Variants in YWHAZ observed in about 807,000 individuals in gnomAD.
YWHAZ encodes tyrosine 3-monooxygenase/tryptophan 5-monooxygenase activation protein zeta, also known as 14-3-3 protein zeta/delta.
For synonymous variants in YWHAZ, 87 were observed against 103.6 expected (o/e 0.84, Z 0.97); for missense variants, 79 against 284.8 (o/e 0.28, Z 5.20).
At chr8:100,951,306 C>A (rs1447769063) in intron 1 of YWHAZ, 2 of 984,516 alleles carry the variant, frequency 2.0e-6, no homozygotes. Flanking sequence ...GCGCTTGGGT[C>A]CCCGAGGCCC....
chr8:100,929,479 C>T (rs1813608437), intron 2 of YWHAZ, among the ~76,000 whole-genome samples: 2 of 152,152 alleles, frequency 1.3e-5, no homozygotes, highest in Non-Finnish European at 1.5e-5. Flanking sequence ...GGAATACAGG[C>T]GTAAAGCCAC....
At position 100,948,151 on chromosome 8, in the gene YWHAZ, T is replaced by A; in HGVS notation, c.294+445A>T. ...TTTCTGCATGGTTGACTCATTACAT[T>A]AACATTATAGCGGCTAATCCTGAGA... On this transcript the variant is annotated intron_variant, in intron 2 of 5. Coordinates refer to ENST00000395958, the MANE Select transcript of YWHAZ (RefSeq NM_145690.3). The surrounding 1 kb of genome is among the most constrained non-coding windows in gnomAD (Gnocchi z 4.2). 1 of 1,533,800 alleles carries A rather than the reference T, an allele frequency of 6.5e-7. No individual in the cohort carries two copies. Among genetic ancestry groups the A allele is most frequent in the Non-Finnish European group, 8.7e-7 (1 of 1,146,266 alleles).
chr8:100,951,344 TC>T, intron 1 of YWHAZ: 1 of 982,958 alleles, frequency 1.0e-6, no homozygotes, highest in Non-Finnish European at 1.2e-6. Flanking sequence ...CGCCACCGCC[TC>T]CCGGGGTGGG....
At chr8:100,933,493 T>C (rs1349354843) in intron 2 of YWHAZ, among the ~76,000 whole-genome samples, 2 of 152,162 alleles carry the variant, frequency 1.3e-5, no homozygotes, top group African/African-American at 2.4e-5. Context: ...ACACCTTAAA[T>C]ATATATTTTT....
intron 2 of YWHAZ, among the ~76,000 whole-genome samples, chr8:100,943,049 T>A (rs886874857): frequency 6.6e-6 from 1 of 152,210 alleles, no homozygotes; most frequent in Admixed American, 6.5e-5. Flanking sequence ...ATGGGAAACA[T>A]CAACAGCTTG....
upstream of YWHAZ, chr8:100,953,263 C>T (rs1810927593): frequency 2.0e-6 from 2 of 985,404 alleles, no homozygotes; most frequent in African/African-American, 3.5e-5. Context: ...ACATGACGAT[C>T]ATTACCTTTT....
intron 1 of YWHAZ, chr8:100,950,497 C>A (rs940038379): frequency 1.0e-5 from 10 of 985,610 alleles, no homozygotes; most frequent in Non-Finnish European, 1.2e-5. Flanking sequence ...CAACCACCCC[C>A]CTCCAGGCTC....
At chr8:100,938,585 G>A (rs183444699) in intron 2 of YWHAZ, among the ~76,000 whole-genome samples, 1 of 152,202 alleles carries the variant, frequency 6.6e-6, no homozygotes, top group Admixed American at 6.5e-5. Context: ...TCAAATTTCT[G>A]GTCTTGTACA....
chr8:100,951,359 G>A (rs1810758067), intron 1 of YWHAZ: 11 of 984,688 alleles, frequency 1.1e-5, no homozygotes, highest in South Asian at 9.4e-5. Flanking sequence ...GGGTGGGGGA[G>A]GGCCGGGTCC....
At position 100,924,419 on chromosome 8, in the gene YWHAZ, G is replaced by C; in HGVS notation, c.419-121C>G. On this transcript the variant is annotated intron_variant, in intron 3 of 5. Coordinates refer to ENST00000395958, the MANE Select transcript of YWHAZ (RefSeq NM_145690.3). The surrounding 1 kb of genome is among the most constrained non-coding windows in gnomAD (Gnocchi z 5.7). ...ACTAACCTGTAACAGCTTAATATTT[G>C]TTAATTGAACAAGGTCCTTTTTTTT... 1 of 981,520 alleles carries C rather than the reference G, an allele frequency of 1.0e-6. No individual in the cohort carries two copies. 60.8% of individuals were successfully genotyped at this position (981,520 alleles called of 1,614,324 possible). A position where few individuals can be genotyped will look rare whatever the true frequency, so the allele number is the denominator to read the frequency against.
chr8:100,941,457 A>G (rs1194727207), intron 2 of YWHAZ, among the ~76,000 whole-genome samples: 1 of 152,140 alleles, frequency 6.6e-6, no homozygotes, highest in Admixed American at 6.5e-5. Flanking sequence ...AGATCCCAAA[A>G]ATTGTTTGCA....
At position 100,928,155 on chromosome 8, in the gene YWHAZ, C is replaced by G. The variant is rs185482122; in HGVS notation, c.295-3116G>C. On this transcript the variant is annotated intron_variant, in intron 2 of 5. Coordinates refer to ENST00000395958, the MANE Select transcript of YWHAZ (RefSeq NM_145690.3). ...ATTAGCCAGGTGTGGTGGCGGGCGC[C>G]TGTAGTCCCAGCTACTCGGGAGACT... Among the ~76,000 whole-genome samples the G allele has an allele frequency of 6.5e-3, 997 of 152,276 alleles. 15 individuals are homozygous for G. Among genetic ancestry groups the G allele is most frequent in the African/African-American group, 0.022 (928 of 41,554 alleles).
At chr8:100,939,980 G>A (rs960748692) in intron 2 of YWHAZ, among the ~76,000 whole-genome samples, 2 of 148,674 alleles carry the variant, frequency 1.3e-5, no homozygotes, top group South Asian at 2.1e-4. Flanking sequence ...CCGAGATCGC[G>A]CCACTGCACT....
chr8:100,943,361 C>T (rs2130311814), intron 2 of YWHAZ, among the ~76,000 whole-genome samples: 1 of 152,312 alleles, frequency 6.6e-6, no homozygotes. Flanking sequence ...AAACTATATG[C>T]TAACTTTTAA....
At chr8:100,944,762 G>A (rs77978741) in intron 2 of YWHAZ, among the ~76,000 whole-genome samples, 2,011 of 152,258 alleles carry the variant, frequency 0.013, 112 homozygotes, top group Admixed American at 0.1. Context: ...AGGTAGTCAA[G>A]GTGCTTTACC....
At chr8:100,946,909 A>G (rs1372426257) in intron 2 of YWHAZ, among the ~76,000 whole-genome samples, 1 of 151,726 alleles carries the variant, frequency 6.6e-6, no homozygotes, top group Non-Finnish European at 1.5e-5. Context: ...AAAAAAAACA[A>G]AAAAACCCAA....
chr8:100,927,686 TTAGGAAAGG>T (rs1278803143), intron 2 of YWHAZ, among the ~76,000 whole-genome samples: 2 of 152,222 alleles, frequency 1.3e-5, no homozygotes, highest in Admixed American at 6.5e-5. Flanking sequence ...TTAAATTTTT[TTAGGAAAGG>T]TGTTGATAAA....
At chr8:100,935,423 T>C (rs896661609) in intron 2 of YWHAZ, among the ~76,000 whole-genome samples, 2 of 152,202 alleles carry the variant, frequency 1.3e-5, no homozygotes, top group African/African-American at 4.8e-5. Flanking sequence ...ACCAAATTCC[T>C]AAATAGTTAA....
chr8:100,926,366 C>T (rs1039869493), intron 2 of YWHAZ, among the ~76,000 whole-genome samples: 1 of 152,200 alleles, frequency 6.6e-6, no homozygotes, highest in Non-Finnish European at 1.5e-5. Flanking sequence ...GGCCTGAGGC[C>T]GGGCACAGTG....
Sources: allele counts gnomAD v4.1 joint callset (sites outside exome capture counted in the v4.1 genomes callset), GRCh38; gene constraint gnomAD v4.1.1; non-coding constraint Gnocchi (gnomAD v3.1); transcripts MANE v1.5; gene names NCBI Gene and HGNC (gene_info 2026-07-23, HGNC 2026-07-21).